B3GALT1: variants seen among roughly 807,000 people sequenced by gnomAD.
B3GALT1 encodes the protein beta-1,3-galactosyltransferase 1.
B3GALT1 carries 10 observed loss-of-function variants against 23.2 expected under a neutral mutation model. The ratio of observed to expected loss-of-function variants is 0.43; its 90% CI spans 0.27 to 0.73. B3GALT1 has a LOEUF of 0.73. Among genes scored for constraint, B3GALT1 ranks in the 30% least tolerant of loss-of-function variants. The pLI, the probability that B3GALT1 is intolerant of heterozygous loss-of-function variation, is 0.21. For missense variants in B3GALT1, 299 were observed against 405.4 expected (o/e 0.74, Z 2.25); for synonymous variants, 156 against 141.5 (o/e 1.10, Z -0.73).
chr2:167,648,924 ATTCT>A (rs1685805199), intron 3 of B3GALT1, among the ~76,000 whole-genome samples: 2 of 152,240 alleles, frequency 1.3e-5, no homozygotes, highest in South Asian at 4.1e-4. Context: ...GACTCAGAAT[ATTCT>A]TTCTAAGTCA....
chr2:167,810,878 G>T (rs1688874874), intron 3 of B3GALT1, among the ~76,000 whole-genome samples: 1 of 152,170 alleles, frequency 6.6e-6, no homozygotes, highest in South Asian at 2.1e-4. Flanking sequence ...CTCCTGAGAA[G>T]AAATCAGGTA....
chr2:167,516,946 G>A (rs1700107385), intron 2 of B3GALT1, among the ~76,000 whole-genome samples: 1 of 97,962 alleles, frequency 1.0e-5, no homozygotes, highest in African/African-American at 7.2e-5. Context: ...GTACTTCTGT[G>A]TGTGTATATA....
intron 1 of B3GALT1, among the ~76,000 whole-genome samples, chr2:167,476,200 A>G (rs1699483273): frequency 6.6e-6 from 1 of 152,224 alleles, no homozygotes; most frequent in African/African-American, 2.4e-5. Flanking sequence ...TAAATGGTTC[A>G]GAAAGAACAC....
chr2:167,448,856 G>A (rs1047422374), intron 1 of B3GALT1, among the ~76,000 whole-genome samples: 1 of 152,130 alleles, frequency 6.6e-6, no homozygotes. Flanking sequence ...TGAATAGGGT[G>A]TGCTTTCTCC....
intron 2 of B3GALT1, among the ~76,000 whole-genome samples, chr2:167,580,163 T>C (rs967324124): frequency 3.9e-5 from 6 of 152,156 alleles, no homozygotes; most frequent in Non-Finnish European, 2.9e-5. Context: ...TGTGAAAGAA[T>C]ACCTTTTAAA....
intron 1 of B3GALT1, among the ~76,000 whole-genome samples, chr2:167,314,492 C>G (rs1020519179): frequency 6.6e-6 from 1 of 152,134 alleles, no homozygotes; most frequent in African/African-American, 2.4e-5. Context: ...AGTTGATGTA[C>G]CATTCATGGT....
intron 1 of B3GALT1, among the ~76,000 whole-genome samples, chr2:167,313,664 G>A (rs1696666139): frequency 6.6e-6 from 1 of 152,076 alleles, no homozygotes; most frequent in South Asian, 2.1e-4. Context: ...CTGTCATATG[G>A]CCTCTCTTGG....
intron 3 of B3GALT1, among the ~76,000 whole-genome samples, chr2:167,653,170 T>G (rs1027347181): frequency 6.6e-6 from 1 of 152,156 alleles, no homozygotes; most frequent in East Asian, 1.9e-4. Context: ...GCTTCAAAAA[T>G]AAAATGTAGT....
chr2:167,790,832 T>C (rs529631922), intron 3 of B3GALT1, among the ~76,000 whole-genome samples: 22 of 152,332 alleles, frequency 1.4e-4, no homozygotes, highest in Non-Finnish European at 1.6e-4. Flanking sequence ...ATTTTGCACC[T>C]TTTAATGGCT....
chr2:167,414,850 T>C (rs1193307782), intron 1 of B3GALT1, among the ~76,000 whole-genome samples: 1 of 152,186 alleles, frequency 6.6e-6, no homozygotes, highest in East Asian at 1.9e-4. Context: ...TCAGTAGCCG[T>C]AGGTATGATG....
chr2:167,444,694 T>C (rs982540476), intron 1 of B3GALT1, among the ~76,000 whole-genome samples: 2 of 152,240 alleles, frequency 1.3e-5, no homozygotes, highest in Non-Finnish European at 2.9e-5. Flanking sequence ...TTTGTATTAC[T>C]GTGGGATTGG....
At chr2:167,817,496 G>A (rs1035480575) in intron 3 of B3GALT1, among the ~76,000 whole-genome samples, 1 of 152,118 alleles carries the variant, frequency 6.6e-6, no homozygotes, top group African/African-American at 2.4e-5. Context: ...TATCATCAGT[G>A]GCTGAGTCAG....
intron 1 of B3GALT1, among the ~76,000 whole-genome samples, chr2:167,393,375 C>G (rs2105284244): frequency 6.6e-6 from 1 of 150,670 alleles, no homozygotes; most frequent in Non-Finnish European, 1.5e-5. Flanking sequence ...CCAAGATACT[C>G]AAGAGCAGGG....
chr2:167,403,664 G>T (rs1174944071), intron 1 of B3GALT1, among the ~76,000 whole-genome samples: 7 of 152,080 alleles, frequency 4.6e-5, no homozygotes, highest in African/African-American at 1.7e-4. Context: ...GCTCTAATCT[G>T]CACTGATATG....
intron 2 of B3GALT1, among the ~76,000 whole-genome samples, chr2:167,544,871 G>C (rs1176070082): frequency 1.3e-5 from 2 of 152,126 alleles, no homozygotes; most frequent in South Asian, 4.1e-4. Flanking sequence ...GCCGTGGACC[G>C]CAGCGGCGAG....
At chr2:167,463,776 G>A (rs186434868) in intron 1 of B3GALT1, among the ~76,000 whole-genome samples, 40 of 152,296 alleles carry the variant, frequency 2.6e-4, no homozygotes, top group South Asian at 1.2e-3. Context: ...AAATAGATAT[G>A]AGAATAAACT....
chr2:167,635,626 A>G (rs1685537523), intron 2 of B3GALT1, among the ~76,000 whole-genome samples: 2 of 8,438 alleles, frequency 2.4e-4, no homozygotes, highest in Admixed American at 5.1e-3. Context: ...ACCTAAGAAT[A>G]CAACTTAAAA....
At position 167,396,534 on chromosome 2, in the gene B3GALT1, ATGTGTGTGTGTG is replaced by A. The variant is rs67013700; in HGVS notation, c.-510-93623_-510-93612del. Among the ~76,000 whole-genome samples the A allele has an allele frequency of 5.6e-3, 792 of 142,244 alleles. 5 individuals are homozygous for A. Among genetic ancestry groups the A allele is most frequent in the African/African-American group, 0.02 (729 of 37,082 alleles). 93.3% of individuals were successfully genotyped at this position (142,244 alleles called of 152,430 possible). On this transcript the variant is annotated intron_variant, in intron 1 of 4. Transcript: ENST00000392690. ...AGTCTGCAAATATATATATATATATATGTGTGTGTGTGTGTGTGTGTGTGTGTGTGTTTAATT... is the reference window on the plus strand; with the variant it reads ...AGTCTGCAAATATATATATATATATATGTGTGTGTGTGTGTGTGTTTAATT...
At chr2:167,763,690 G>GGA (rs1553485490) in intron 3 of B3GALT1, among the ~76,000 whole-genome samples, 5 of 82,066 alleles carry the variant, frequency 6.1e-5, no homozygotes, top group African/African-American at 2.8e-4. Context: ...GACTCTGTCA[G>GGA]AAAAAAAAAA....
Sources: gnomAD v4.1 joint callset for allele counts (sites outside exome capture counted in the v4.1 genomes callset) on GRCh38, gnomAD v4.1.1 for gene constraint, MANE v1.5 for transcripts, NCBI Gene and HGNC (gene_info 2026-07-23, HGNC 2026-07-21) for gene names.